MAP3K7: variants seen among roughly 807,000 people sequenced by gnomAD.
MAP3K7 encodes TGF-beta activated kinase 1.
MAP3K7 carries 21 observed loss-of-function variants against 84.8 expected under a neutral mutation model. The ratio of observed to expected loss-of-function variants is 0.25; its 90% CI spans 0.18 to 0.36. The LOEUF (loss-of-function observed/expected upper bound fraction) is 0.36. Among genes scored for constraint, MAP3K7 ranks in the 10% least tolerant of loss-of-function variants. The pLI is 1.00. For synonymous variants in MAP3K7, 241 were observed against 247.7 expected (o/e 0.97, Z 0.25); for missense variants, 503 against 747.7 (o/e 0.67, Z 3.82).
At chr6:90,542,975 C>G (rs558627066) in intron 12 of MAP3K7, among the ~76,000 whole-genome samples, 1 of 151,934 alleles carries the variant, frequency 6.6e-6, no homozygotes, top group African/African-American at 2.4e-5. Context: ...TCTTGTATAG[C>G]GTGGGCTACG....
chr6:90,576,372 G>A (rs1043331687), intron 1 of MAP3K7, among the ~76,000 whole-genome samples: 5 of 151,000 alleles, frequency 3.3e-5, no homozygotes, highest in African/African-American at 9.7e-5. Context: ...GCAGTGAGCC[G>A]AGATCGCGCC....
rs749595493 is a variant in MAP3K7 at position 90,547,359 on chromosome 6, G to C, written c.1109C>G (p.Ala370Gly). The change falls in exon 11 of 17, where the codon GCC becomes GGC. Residue 370 changes from alanine to glycine, a missense_variant. Physicochemically the swap from Ala to Gly is moderately conservative, Grantham distance 60. Around this residue, in one of 5 missense-constraint regions of MAP3K7, gnomAD observed 286 missense variants for 313.6 expected, o/e 0.91. Transcript: ENST00000369329. ...GCTCTCCACACTGCTCCCACGGGAG[G>C]CTCCCAAGCTTAAACGTCCAGATTC... The part of the protein sequence containing the change: ...QSESGRLSLG[A>G]SRGSSVESLP... The C allele has an allele frequency of 1.2e-6, 2 of 1,611,596 alleles. No homozygotes were observed. Among genetic ancestry groups the C allele is most frequent in the East Asian group, 2.2e-5 (1 of 44,758 alleles).
At chr6:90,527,066 A>T (rs1412673330) in intron 13 of MAP3K7, among the ~76,000 whole-genome samples, 1 of 152,234 alleles carries the variant, frequency 6.6e-6, no homozygotes, top group Non-Finnish European at 1.5e-5. Flanking sequence ...AGTTTAGTTT[A>T]TCCAACTTTG....
At chr6:90,560,261 A>G (rs1937043454) in intron 4 of MAP3K7, 47 bp from the exon 5 acceptor site, 1 of 1,603,700 alleles carries the variant, frequency 6.2e-7, no homozygotes, top group African/African-American at 1.3e-5. Flanking sequence ...TGCATATAAC[A>G]AAAGACACAA....
chr6:90,566,747 A>G (rs374678139), intron 3 of MAP3K7, among the ~76,000 whole-genome samples: 9,778 of 152,238 alleles, frequency 0.064, 310 homozygotes, highest in South Asian at 0.092. Context: ...AAGAGCCCAC[A>G]TTGCCAAGAC....
chr6:90,553,837 C>G (rs1226747615), intron 6 of MAP3K7, among the ~76,000 whole-genome samples: 2 of 152,078 alleles, frequency 1.3e-5, no homozygotes, highest in East Asian at 1.9e-4. Context: ...CATCAAGAGG[C>G]AGTTTTTTCA....
intron 16 of MAP3K7, 143 bp downstream of exon 16, chr6:90,518,304 T>C: frequency 1.8e-6 from 1 of 558,710 alleles, no homozygotes; most frequent in Non-Finnish European, 3.1e-6. Flanking sequence ...AAAAAATTTT[T>C]AGTAAAAGGG....
chr6:90,557,668 G>T lies in MAP3K7; in HGVS notation c.483-1044C>A, dbSNP rs1312986466. On this transcript the variant is annotated intron_variant, in intron 5 of 16. Transcript: ENST00000369329. The stretch of plus-strand genomic sequence containing the variant: ...TAACTAGTTTCCTTGTTTTATACTG[G>T]TATATTCAAGATATCAAGATAATTT... Among the ~76,000 whole-genome samples, 6 of 152,080 alleles carry T rather than the reference G, an allele frequency of 3.9e-5. No individual in the cohort carries two copies. In the South Asian group the frequency reaches 1.2e-3, roughly 32 times the overall value.
At chr6:90,528,847 T>C (rs981543990) in intron 13 of MAP3K7, among the ~76,000 whole-genome samples, 10 of 152,222 alleles carry the variant, frequency 6.6e-5, no homozygotes, top group African/African-American at 2.2e-4. Flanking sequence ...TGATGAAATA[T>C]GACTTTCATT....
intron 12 of MAP3K7, among the ~76,000 whole-genome samples, chr6:90,543,175 T>G (rs1021878796): frequency 6.6e-6 from 1 of 152,046 alleles, no homozygotes; most frequent in African/African-American, 2.4e-5. Flanking sequence ...CTGATCTCCA[T>G]GTAAAATGAT....
At chr6:90,544,455 T>G in intron 12 of MAP3K7, 97 bp downstream of exon 12, 2 of 1,021,866 alleles carry the variant, frequency 2.0e-6, no homozygotes, top group Non-Finnish European at 3.1e-6. Context: ...TCCATTTTCA[T>G]GTCTTGTAAA....
At chr6:90,560,642 G>A (rs1776481855) in intron 4 of MAP3K7, among the ~76,000 whole-genome samples, 1 of 152,170 alleles carries the variant, frequency 6.6e-6, no homozygotes, top group Non-Finnish European at 1.5e-5. Flanking sequence ...TTACAGGAGT[G>A]AGCCACCATG....
intron 9 of MAP3K7, among the ~76,000 whole-genome samples, chr6:90,550,017 C>T (rs543512744): frequency 6.6e-6 from 1 of 152,194 alleles, no homozygotes; most frequent in African/African-American, 2.4e-5. Context: ...TTACATGTCC[C>T]ACTACTACTT....
At position 90,523,267 on chromosome 6, in the gene MAP3K7, T is replaced by C. The variant is rs1178105208; in HGVS notation, c.1462+411A>G. ...AACTTAAGGTACATGACATCTCGTG[T>C]CCTTAAAAGATTGAGATGAAGATGA... On this transcript the variant is annotated intron_variant, in intron 14 of 16. Coordinates refer to ENST00000369329, the MANE Select transcript of MAP3K7 (RefSeq NM_145331.3). Among the ~76,000 whole-genome samples the C allele has an allele frequency of 3.3e-5, 5 of 152,250 alleles. No homozygotes were observed. The East Asian group carries it at 7.7e-4, about 24-fold the overall frequency.
At chr6:90,534,320 G>A (rs527573133) in intron 13 of MAP3K7, among the ~76,000 whole-genome samples, 1 of 152,214 alleles carries the variant, frequency 6.6e-6, no homozygotes, top group Admixed American at 6.5e-5. Flanking sequence ...TGGGAGAAAT[G>A]TTTTCATAGT....
At chr6:90,534,243 T>G (rs1236251055) in intron 13 of MAP3K7, among the ~76,000 whole-genome samples, 3 of 152,226 alleles carry the variant, frequency 2.0e-5, no homozygotes, top group African/African-American at 7.2e-5. Context: ...AATACTTTTC[T>G]TCCTCAAATG....
rs1774920579 is a variant in MAP3K7, at chr6:90,515,216, T to A, written c.*1285A>T. The A allele has an allele frequency of 6.6e-6, 1 of 151,982 alleles. No homozygotes were observed. Among genetic ancestry groups the A allele is most frequent in the Non-Finnish European group, 1.5e-5 (1 of 67,906 alleles). 9.4% of individuals were successfully genotyped at this position (151,982 alleles called of 1,614,324 possible). A position where few individuals can be genotyped will look rare whatever the true frequency, so the allele number is the denominator to read the frequency against. ...TGCTATAAAAATCAGACTGATGACATCCTTATTTAAAAGACATCTTGTACT... is the reference window on the plus strand; with the variant it reads ...TGCTATAAAAATCAGACTGATGACAACCTTATTTAAAAGACATCTTGTACT... On this transcript the variant is annotated 3_prime_UTR_variant, in exon 17 of 17. Coordinates refer to ENST00000369329, the MANE Select transcript of MAP3K7 (RefSeq NM_145331.3).
Position 90,514,880 on chromosome 6 carries a change from A to C in MAP3K7, c.*1621T>G. Reference sequence around the variant, plus strand: ...GAACAATTAACACTCCTTTTATTTAAATTAAATGACAGAAGACATTTATTT... The same window carrying C: ...GAACAATTAACACTCCTTTTATTTACATTAAATGACAGAAGACATTTATTT... On this transcript the variant is annotated 3_prime_UTR_variant, in exon 17 of 17. Transcript: ENST00000369329. 1 of 152,104 alleles carries C rather than the reference A, an allele frequency of 6.6e-6. No individual in the cohort carries two copies. Among genetic ancestry groups the C allele is most frequent in the East Asian group, 1.9e-4 (1 of 5,176 alleles). The allele number at this position is 152,104 out of a possible 1,614,324, so 9.4% of individuals were successfully genotyped here.
intron 3 of MAP3K7, among the ~76,000 whole-genome samples, chr6:90,566,193 A>C (rs1776697848): frequency 6.6e-6 from 1 of 152,188 alleles, no homozygotes; most frequent in Non-Finnish European, 1.5e-5. Context: ...TATTCAACAT[A>C]GTGTTGGAAG....
Sources: allele counts gnomAD v4.1 joint callset (sites outside exome capture counted in the v4.1 genomes callset), GRCh38; gene constraint gnomAD v4.1.1; regional missense constraint gnomAD v4.1.1; transcripts MANE v1.5; gene names NCBI Gene and HGNC (gene_info 2026-07-23, HGNC 2026-07-21).